Variants in TRAPPC12 observed in about 807,000 individuals in gnomAD.
TRAPPC12 encodes TPR repeat protein 15.
A neutral mutation model predicts 69.2 loss-of-function variants in TRAPPC12; 61 were observed. That is an observed-to-expected ratio of 0.88 (90% CI 0.72 to 1.09). The LOEUF is 1.09. Among genes scored for constraint, TRAPPC12 ranks in the 50% least tolerant of loss-of-function variants. The pLI, the probability that TRAPPC12 is intolerant of heterozygous loss-of-function variation, is 0.00. For missense variants in TRAPPC12, 1,101 were observed against 1,016.4 expected (o/e 1.08, Z -1.13); for synonymous variants, 469 against 438.9 (o/e 1.07, Z -0.86).
intron 6 of TRAPPC12, 121 bp downstream of exon 6, chr2:3,444,012 T>A: frequency 1.4e-6 from 1 of 704,190 alleles, no homozygotes; most frequent in Non-Finnish European, 2.4e-6. Context: ...TGCTTCTGCC[T>A]TCAGAAGGCT....
At chr2:3,417,148 A>T (rs1414095884) in intron 3 of TRAPPC12, among the ~76,000 whole-genome samples, 1 of 151,954 alleles carries the variant, frequency 6.6e-6, no homozygotes, top group Non-Finnish European at 1.5e-5. Flanking sequence ...CCATCTTGTC[A>T]TTTTTTATAT....
At chr2:3,459,661 A>G (rs1327633979) in intron 7 of TRAPPC12, among the ~76,000 whole-genome samples, 1 of 152,234 alleles carries the variant, frequency 6.6e-6, no homozygotes, top group East Asian at 1.9e-4. Flanking sequence ...GTGTGGCAGC[A>G]GGTGCTAGGG....
chr2:3,443,101 G>A (rs375535180), intron 5 of TRAPPC12, among the ~76,000 whole-genome samples: 186 of 152,308 alleles, frequency 1.2e-3, no homozygotes, highest in African/African-American at 3.4e-3. Flanking sequence ...CAGGTGATAC[G>A]ATATAAAGGG....
intron 5 of TRAPPC12, among the ~76,000 whole-genome samples, chr2:3,439,567 T>TTAAAAA (rs1664080851): frequency 6.6e-6 from 1 of 152,246 alleles, no homozygotes; most frequent in Non-Finnish European, 1.5e-5. Flanking sequence ...TTAAGAATTC[T>TTAAAAA]TCATATATGT....
chr2:3,464,059 T>C (rs1665660365), intron 8 of TRAPPC12, among the ~76,000 whole-genome samples: 1 of 152,120 alleles, frequency 6.6e-6, no homozygotes, highest in South Asian at 2.1e-4. Flanking sequence ...CCGTCCCAGC[T>C]GCAACCTCAG....
At chr2:3,407,695 G>T (rs368637510) in intron 3 of TRAPPC12, among the ~76,000 whole-genome samples, 37 of 151,960 alleles carry the variant, frequency 2.4e-4, no homozygotes, top group South Asian at 1.7e-3. Flanking sequence ...CCAGCTACCC[G>T]GGAGGCTGAG....
At chr2:3,423,616 C>T (rs530907440) in intron 4 of TRAPPC12, among the ~76,000 whole-genome samples, 3 of 151,288 alleles carry the variant, frequency 2.0e-5, no homozygotes, top group East Asian at 3.9e-4. Context: ...CTGTGCCTGG[C>T]TTGTTTGTCT....
At chr2:3,424,754 C>T in intron 5 of TRAPPC12, 91 bp downstream of exon 5, 1 of 1,361,438 alleles carries the variant, frequency 7.3e-7, no homozygotes, top group South Asian at 1.6e-5. Context: ...CTCAGTTTTC[C>T]TTATTTATCC....
intron 1 of TRAPPC12, among the ~76,000 whole-genome samples, chr2:3,383,874 T>G (rs964863447): frequency 2.3e-4 from 3 of 13,088 alleles, no homozygotes; most frequent in African/African-American, 8.7e-4. Context: ...CAGTCTTGTT[T>G]TTTTTTTTTT....
chr2:3,394,189 G>A (rs1260282691), intron 2 of TRAPPC12, among the ~76,000 whole-genome samples: 2 of 152,128 alleles, frequency 1.3e-5, no homozygotes, highest in African/African-American at 2.4e-5. Flanking sequence ...TTTATGATAC[G>A]TCATCTGGAA....
chr2:3,382,130 C>CTTT (rs70938942), intron 1 of TRAPPC12, among the ~76,000 whole-genome samples: 79 of 93,590 alleles, frequency 8.4e-4, no homozygotes, highest in African/African-American at 1.5e-3. Flanking sequence ...TTTATTTCCA[C>CTTT]TTTTTTTTTT....
intron 5 of TRAPPC12, among the ~76,000 whole-genome samples, chr2:3,435,276 A>G (rs1298493605): frequency 6.6e-6 from 1 of 152,060 alleles, no homozygotes; most frequent in Non-Finnish European, 1.5e-5. Context: ...AGCCTCCCAA[A>G]GTGCTGGGAT....
At chr2:3,400,592 G>A (rs960443933) in intron 2 of TRAPPC12, among the ~76,000 whole-genome samples, 4 of 152,200 alleles carry the variant, frequency 2.6e-5, no homozygotes, top group Admixed American at 1.3e-4. Flanking sequence ...GGTCCCAGCT[G>A]TGTGTGAGAG....
intron 5 of TRAPPC12, among the ~76,000 whole-genome samples, chr2:3,442,640 A>G (rs1172499613): frequency 1.3e-5 from 2 of 152,218 alleles, no homozygotes; most frequent in Admixed American, 6.5e-5. Flanking sequence ...TATAATCACA[A>G]TAGAACTGTT....
At chr2:3,439,001 T>G (rs1664048985) in intron 5 of TRAPPC12, among the ~76,000 whole-genome samples, 1 of 152,200 alleles carries the variant, frequency 6.6e-6, no homozygotes, top group Non-Finnish European at 1.5e-5. Context: ...AAAAGTATTC[T>G]TAGCCTTGTA....
intron 5 of TRAPPC12, among the ~76,000 whole-genome samples, chr2:3,425,382 C>T (rs370422580): frequency 2.6e-5 from 4 of 152,206 alleles, no homozygotes; most frequent in African/African-American, 7.2e-5. Context: ...TGAAAGCCCA[C>T]GCCCTGTTGT....
chr2:3,394,071 A>C (rs1402867663), intron 2 of TRAPPC12, among the ~76,000 whole-genome samples: 4 of 152,198 alleles, frequency 2.6e-5, no homozygotes, highest in Non-Finnish European at 5.9e-5. Context: ...GTGGGCCAGC[A>C]CTGTGGATTG....
At chr2:3,435,261 G>A (rs7570792) in intron 5 of TRAPPC12, among the ~76,000 whole-genome samples, 5,120 of 152,262 alleles carry the variant, frequency 0.034, 267 homozygotes, top group African/African-American at 0.11. Flanking sequence ...TGATCTGCCC[G>A]CCTCAGCCTC....
intron 4 of TRAPPC12, among the ~76,000 whole-genome samples, chr2:3,422,279 A>G (rs1662853048): frequency 6.6e-6 from 1 of 152,150 alleles, no homozygotes; most frequent in African/African-American, 2.4e-5. Context: ...CACGACTGGC[A>G]GTAGCAACTG....
Sources: allele counts gnomAD v4.1 joint callset (sites outside exome capture counted in the v4.1 genomes callset), GRCh38; gene constraint gnomAD v4.1.1; transcripts MANE v1.5; gene names NCBI Gene and HGNC (gene_info 2026-07-23, HGNC 2026-07-21).